The following CCHCR1 variants were observed in gnomAD, a reference collection of about 807,000 sequenced individuals.
The protein encoded by CCHCR1 is coiled-coil alpha-helical rod protein 1.
CCHCR1 carries 91 observed loss-of-function variants against 114.6 expected under a neutral mutation model. The ratio of observed to expected loss-of-function variants is 0.79; its 90% CI spans 0.67 to 0.94. The LOEUF (loss-of-function observed/expected upper bound fraction) is 0.94, where lower values mean the gene tolerates loss of function less well. CCHCR1 is among the 40% of genes least tolerant of loss of function. CCHCR1 has a pLI of 0.00. For missense variants in CCHCR1, 899 were observed against 1,079.9 expected, an observed-to-expected ratio of 0.83 and a Z score of 2.35; for synonymous variants, 379 against 428.5, an observed-to-expected ratio of 0.88 and a Z score of 1.43.
intron 4 of CCHCR1, among the ~76,000 whole-genome samples, chr6:31,153,125 G>A (rs28652698): frequency 2.0e-5 from 3 of 151,966 alleles, no homozygotes; most frequent in African/African-American, 2.4e-5. Context: ...GATTACAGGC[G>A]CCCACGACTA....
chr6:31,156,974 G>C (rs1186642457), intron 2 of CCHCR1, 30 bp from the exon 3 acceptor site: 4 of 1,611,970 alleles, frequency 2.5e-6, no homozygotes, highest in Non-Finnish European at 3.4e-6. Flanking sequence ...AAGATGGTCA[G>C]TTTCCCAGGC....
At chr6:31,156,469 T>C in intron 3 of CCHCR1, 1 of 503,262 alleles carries the variant, frequency 2.0e-6, no homozygotes. Context: ...CATCAGCTGG[T>C]GGTCAATCTA....
chr6:31,142,452 GTCTT>G lies in CCHCR1; in HGVS notation c.*136_*139del. 4 of 669,982 alleles carry G rather than the reference GTCTT, an allele frequency of 6.0e-6. No homozygotes were observed. Among genetic ancestry groups the G allele is most frequent in the South Asian group, 2.0e-5 (1 of 48,850 alleles). 41.5% of individuals were successfully genotyped at this position (669,982 alleles called of 1,614,324 possible). A position where few individuals can be genotyped will look rare whatever the true frequency, so the allele number is the denominator to read the frequency against. ...CCAAACAATGGCTCCTTCTGTAGTC[GTCTT>G]TATTTAGAGCAGAATTCAGACTCAG... On this transcript the variant is annotated 3_prime_UTR_variant, in exon 18 of 18. Coordinates refer to ENST00000396268, the MANE Select transcript of CCHCR1 (RefSeq NM_001105564.2).
In CCHCR1 at chr6:31,144,924, G is replaced by A. The variant is rs142986308; in HGVS notation, c.2026C>T (p.Arg676Trp). ...QESTEEAASL[R>W]QELTQQQELY... is the part of the protein sequence containing the mutation. ...TCCTGCTGCTGGGTCAGCTCCTGCC[G>A]CAGACTGGCAGCCTCCTCTGTGCTC... The change falls in exon 14 of 18, where the codon CGG (arginine) becomes TGG (tryptophan). Residue 676 changes from arginine (R) to tryptophan (W), a missense_variant. Coordinates refer to ENST00000396268, the MANE Select transcript of CCHCR1 (RefSeq NM_001105564.2). This position sits in a 1 kb window ranked among gnomAD's most constrained non-coding sequence, Gnocchi z 4.6. 8.1e-4 allele frequency: 1,303 copies of A among 1,612,658 alleles called. 17 individuals carry two copies. The East Asian group carries it at 0.027, about 33-fold the overall frequency.
At chr6:31,147,978 AAAAT>A in intron 10 of CCHCR1, among the ~76,000 whole-genome samples, 1 of 152,174 alleles carries the variant, frequency 6.6e-6, no homozygotes, top group East Asian at 1.9e-4. Context: ...ACTTTGTCTC[AAAAT>A]AAATAAATAA....
intron 3 of CCHCR1, among the ~76,000 whole-genome samples, chr6:31,155,039 C>G (rs912141611): frequency 6.6e-6 from 1 of 152,130 alleles, no homozygotes; most frequent in Non-Finnish European, 1.5e-5. Context: ...TGGCTGAGAT[C>G]GTGGAACATG....
At chr6:31,145,372 T>A (rs112320574) in intron 12 of CCHCR1, 70 bp from the exon 13 acceptor site, 71,958 of 1,611,906 alleles carry the variant, frequency 0.045, 2,421 homozygotes, top group African/African-American at 0.17. Flanking sequence ...CCATCCCACC[T>A]CAGTCCTCAT....
chr6:31,147,964 C>T (rs1347499330), intron 10 of CCHCR1, among the ~76,000 whole-genome samples: 1 of 151,832 alleles, frequency 6.6e-6, no homozygotes, highest in Admixed American at 6.6e-5. Flanking sequence ...GGTGACAGAG[C>T]GAGACTTTGT....
chr6:31,145,272 C>CA lies in CCHCR1; in HGVS notation c.1769dup (p.Ser591GlufsTer3). 6.2e-7 allele frequency: 1 copy of CA among 1,614,078 alleles called. No homozygotes were observed. The highest frequency in any genetic ancestry group is 8.5e-7 in the Non-Finnish European group (1 of 1,179,994). On this transcript the variant is annotated frameshift_variant, in exon 13 of 18. Transcript: ENST00000396268. LOFTEE classifies it high-confidence loss of function. Reference sequence around the variant, plus strand: ...CCCGCAACTGCTGCAACTCAAGGCTCACGTCTGTGACCGGTGGTGGTAGGG... The same window carrying CA: ...CCCGCAACTGCTGCAACTCAAGGCTCAACGTCTGTGACCGGTGGTGGTAGGG...
chr6:31,154,605 T>C lies in CCHCR1; in HGVS notation c.692A>G (p.Glu231Gly). The change falls in exon 4 of 18, where the codon GAG becomes GGG. Residue 231 changes from glutamate to glycine, a missense_variant. By Grantham distance (98) the Glu-to-Gly change is moderately conservative (BLOSUM62 -2). Coordinates refer to ENST00000396268, the MANE Select transcript of CCHCR1 (RefSeq NM_001105564.2). The surrounding 1 kb of genome is among the most constrained non-coding windows in gnomAD (Gnocchi z 4.1). ...LARAEKAGRA[E>G]AEGLRAALAG... Reference sequence around the variant, plus strand: ...CAAAGCAGCACGCAGGCCCTCAGCCTCAGCTCGGCCGGCCTTCTCCGCCCG... The same window carrying C: ...CAAAGCAGCACGCAGGCCCTCAGCCCCAGCTCGGCCGGCCTTCTCCGCCCG... 2 of 1,613,030 alleles carry C rather than the reference T, an allele frequency of 1.2e-6. No homozygotes were observed. Among genetic ancestry groups the C allele is most frequent in the Non-Finnish European group, 1.7e-6 (2 of 1,180,034 alleles).
chr6:31,146,336 C>A (rs1774330446), intron 10 of CCHCR1, among the ~76,000 whole-genome samples: 1 of 152,136 alleles, frequency 6.6e-6, no homozygotes, highest in Non-Finnish European at 1.5e-5. Flanking sequence ...CAGAGCGAGA[C>A]TCCATCTCAA....
In CCHCR1 at chr6:31,154,763, CT is replaced by C; in HGVS notation, c.533del (p.Gln178ArgfsTer5). 6.2e-7 allele frequency: 1 copy of C among 1,606,194 alleles called. No homozygotes were observed. The highest frequency in any genetic ancestry group is 1.1e-5 in the South Asian group (1 of 91,026). On this transcript the variant is annotated frameshift_variant, in exon 4 of 18. Transcript: ENST00000396268. LOFTEE classifies it high-confidence loss of function. The surrounding 1 kb of genome is among the most constrained non-coding windows in gnomAD (Gnocchi z 4.1). ...WGLEGSQALSQQAEVIVRQLQ... is the reference protein window; with the variant it reads ...WGLEGSQALSXQAEVIVRQLQ... ...GCTGCCGAACGATCACCTCAGCCTG[CT>C]GGCTCAGGGCCTGTGACCCCTCCAG...
chr6:31,153,670 C>T (rs527392368), intron 4 of CCHCR1, among the ~76,000 whole-genome samples: 1 of 152,268 alleles, frequency 6.6e-6, no homozygotes, highest in East Asian at 1.9e-4. Flanking sequence ...ACCTCCACTG[C>T]CCAGGTTCAA....
upstream of CCHCR1, chr6:31,157,895 AG>A: frequency 2.0e-6 from 1 of 490,880 alleles, no homozygotes; most frequent in Non-Finnish European, 3.6e-6. Flanking sequence ...CTTTTTCTGA[AG>A]GAATTATTCT....
Position 31,144,834 on chromosome 6 carries a change from C to A in CCHCR1, c.2066-46G>T. 6.2e-7 allele frequency: 1 copy of A among 1,608,402 alleles called. No individual in the cohort carries two copies. Among genetic ancestry groups the A allele is most frequent in the Non-Finnish European group, 8.5e-7 (1 of 1,174,964 alleles). ...GGGCATATCAGCAGGAGCTTTGATT[C>A]GCAGTTCCCACCCCACCCTCCAAGG... is the stretch of plus-strand genomic sequence containing the variant. On this transcript the variant is annotated intron_variant, in intron 14 of 17. Coordinates refer to ENST00000396268, the MANE Select transcript of CCHCR1 (RefSeq NM_001105564.2). This position sits in a 1 kb window ranked among gnomAD's most constrained non-coding sequence, Gnocchi z 4.6.
Position 31,150,955 on chromosome 6 carries a change from C to T in CCHCR1, c.965+4G>A. On this transcript the variant is annotated splice_donor_region_variant and intron_variant, in intron 5 of 17. Transcript: ENST00000396268. This position sits in a 1 kb window ranked among gnomAD's most constrained non-coding sequence, Gnocchi z 5.3. Reference sequence around the variant, plus strand: ...TGGGCTCCCGTCGGCGTCCGCCCACCTACCTCAGCTGCTTCCGAAGCAGCT... The same window carrying T: ...TGGGCTCCCGTCGGCGTCCGCCCACTTACCTCAGCTGCTTCCGAAGCAGCT... 4 of 1,612,610 alleles carry T rather than the reference C, an allele frequency of 2.5e-6. No homozygotes were observed. The highest frequency in any genetic ancestry group is 3.4e-6 in the Non-Finnish European group (4 of 1,179,882).
In CCHCR1 at chr6:31,154,592, C is replaced by G. The variant is rs773128195; in HGVS notation, c.705G>C (p.Leu235=). The G allele has an allele frequency of 1.9e-6, 3 of 1,613,108 alleles. No homozygotes were observed. Among genetic ancestry groups the G allele is most frequent in the Non-Finnish European group, 2.5e-6 (3 of 1,180,042 alleles). The change falls in exon 4 of 18, where the codon CTG becomes CTC. Residue 235 remains leucine, a synonymous_variant. Coordinates refer to ENST00000396268, the MANE Select transcript of CCHCR1 (RefSeq NM_001105564.2). This position sits in a 1 kb window ranked among gnomAD's most constrained non-coding sequence, Gnocchi z 4.1. Reference sequence around the variant, plus strand: ...CCTCAGCCCCAGCCAAAGCAGCACGCAGGCCCTCAGCCTCAGCTCGGCCGG... The same window carrying G: ...CCTCAGCCCCAGCCAAAGCAGCACGGAGGCCCTCAGCCTCAGCTCGGCCGG... ...EKAGRAEAEG[L]RAALAGAEVV... is the part of the protein sequence containing the mutation.
In CCHCR1 at chr6:31,143,083, A is replaced by G; in HGVS notation, c.2371T>C (p.Leu791=). The G allele has an allele frequency of 6.2e-7, 1 of 1,612,976 alleles. No homozygotes were observed. Among genetic ancestry groups the G allele is most frequent in the Non-Finnish European group, 8.5e-7 (1 of 1,179,992 alleles). ...TCCAGTAGGGAAGGAAGAACTGTCA[A>G]CAGTCGCTGCTGCTTGTAACGGGAG... ...LLSRYKQQRL[L]TVLPSLLDKK... Residue 791 remains leucine (L), a synonymous_variant, in exon 17 of 18, where the codon TTG becomes CTG. Transcript: ENST00000396268. This position sits in a 1 kb window ranked among gnomAD's most constrained non-coding sequence, Gnocchi z 5.3.
rs1357651326 is a variant in CCHCR1 at position 31,157,644 on chromosome 6, T to A, written c.-44A>T. 3 of 1,511,496 alleles carry A rather than the reference T, an allele frequency of 2.0e-6. No homozygotes were observed. The highest frequency in any genetic ancestry group is 2.7e-6 in the Non-Finnish European group (3 of 1,108,032). 93.6% of individuals were successfully genotyped at this position (1,511,496 alleles called of 1,614,324 possible). On this transcript the variant is annotated 5_prime_UTR_variant, in exon 1 of 18. An upstream open reading frame in the 5' UTR loses its in-frame stop. Coordinates refer to ENST00000396268, the MANE Select transcript of CCHCR1 (RefSeq NM_001105564.2). ...CAAGACCTTGGGAATCCAGGCCGCC[T>A]AGATCCCCAGGCAGAAAAGCCAGCG...
Sources: gnomAD v4.1 joint callset for allele counts (sites outside exome capture counted in the v4.1 genomes callset) on GRCh38, gnomAD v4.1.1 for gene constraint, Gnocchi (gnomAD v3.1) non-coding constraint, MANE v1.5 for transcripts, NCBI Gene and HGNC (gene_info 2026-07-23, HGNC 2026-07-21) for gene names.